The following CNTN6 variants were observed in gnomAD, a reference collection of about 807,000 sequenced individuals.
The protein encoded by CNTN6 is contactin 6.
In CNTN6, 137 loss-of-function variants were observed where a neutral mutation model predicts 122.8. The observed-to-expected ratio is 1.12, with a 90% CI of 0.97 to 1.29. CNTN6 has a LOEUF of 1.29. CNTN6 is among the 50% of genes most tolerant of loss of function. CNTN6 has a pLI of 0.00. For synonymous variants in CNTN6, 570 were observed against 426.0 expected (o/e 1.34, Z -4.16); for missense variants, 1,634 against 1,223.4 (o/e 1.34, Z -5.01).
intron 2 of CNTN6, among the ~76,000 whole-genome samples, chr3:1,212,505 A>G (rs1022511729): frequency 1.0e-4 from 15 of 146,174 alleles, no homozygotes; most frequent in Non-Finnish European, 1.7e-4. Flanking sequence ...ACATGTGTGT[A>G]TATATATACA....
intron 4 of CNTN6, among the ~76,000 whole-genome samples, chr3:1,252,187 T>C (rs978783449): frequency 6.6e-6 from 1 of 152,206 alleles, no homozygotes; most frequent in Admixed American, 6.5e-5. Flanking sequence ...CCTTTCCCTT[T>C]TAAAATCTGC....
At chr3:1,328,563 G>T (rs543756687) in intron 10 of CNTN6, among the ~76,000 whole-genome samples, 1 of 151,852 alleles carries the variant, frequency 6.6e-6, no homozygotes, top group African/African-American at 2.4e-5. Flanking sequence ...ATTTCAAGGA[G>T]AAAAAAGTGT....
At chr3:1,392,527 A>G (rs1370030939) in intron 20 of CNTN6, among the ~76,000 whole-genome samples, 1 of 150,660 alleles carries the variant, frequency 6.6e-6, no homozygotes, top group Non-Finnish European at 1.5e-5. Context: ...CACCAAAAGC[A>G]ATGGCAACAA....
intron 7 of CNTN6, among the ~76,000 whole-genome samples, chr3:1,316,556 T>C (rs530688427): frequency 2.0e-5 from 3 of 151,956 alleles, no homozygotes; most frequent in East Asian, 3.9e-4. Flanking sequence ...GATCCCCACC[T>C]TCAATACTGG....
rs1484852034 is a variant in CNTN6, at chr3:1,372,824, C to T, written c.1669-14C>T. On this transcript the variant is annotated splice_polypyrimidine_tract_variant and intron_variant, in intron 13 of 22. Transcript: ENST00000446702. The stretch of plus-strand genomic sequence containing the variant: ...GGCTTACGTTTTTATCCATTTCTCC[C>T]TTTCTGTCTGCAGGAATCTGTTGGG... The T allele has an allele frequency of 1.3e-6, 2 of 1,496,934 alleles. No homozygotes were observed. The highest frequency in any genetic ancestry group is 4.5e-5 in the East Asian group (2 of 43,984). The allele number at this position is 1,496,934 out of a possible 1,614,324, so 92.7% of individuals were successfully genotyped here. A position where few individuals can be genotyped will look rare whatever the true frequency, so the allele number is the denominator to read the frequency against.
At chr3:1,342,038 C>T (rs370627337) in intron 11 of CNTN6, among the ~76,000 whole-genome samples, 3 of 152,074 alleles carry the variant, frequency 2.0e-5, no homozygotes, top group Non-Finnish European at 2.9e-5. Flanking sequence ...ATATCCTTAG[C>T]TATTTAATAG....
chr3:1,224,407 G>A (rs116071024), intron 3 of CNTN6, among the ~76,000 whole-genome samples: 1,967 of 152,106 alleles, frequency 0.013, 37 homozygotes, highest in African/African-American at 0.043. Flanking sequence ...AAAGGAGCTG[G>A]AAGAGAAGAT....
At chr3:1,093,529 T>C (rs920734543) in intron 1 of CNTN6, among the ~76,000 whole-genome samples, 4 of 141,154 alleles carry the variant, frequency 2.8e-5, no homozygotes, top group Admixed American at 7.0e-5. Flanking sequence ...TTTTTTGTCT[T>C]TTTTTTTTTT....
At chr3:1,200,922 GTTCT>G (rs72151966) in intron 2 of CNTN6, among the ~76,000 whole-genome samples, 14,661 of 145,354 alleles carry the variant, frequency 0.1, 811 homozygotes, top group Non-Finnish European at 0.13. Context: ...TGTTTCTTTC[GTTCT>G]TTTTTTCTTT....
intron 4 of CNTN6, among the ~76,000 whole-genome samples, chr3:1,245,831 A>G (rs1342963239): frequency 6.6e-6 from 1 of 152,180 alleles, no homozygotes; most frequent in Non-Finnish European, 1.5e-5. Flanking sequence ...AGGAGTGTCC[A>G]ATCTTTTGGC....
intron 5 of CNTN6, among the ~76,000 whole-genome samples, chr3:1,293,318 T>C (rs1300682641): frequency 6.6e-6 from 1 of 151,976 alleles, no homozygotes; most frequent in Admixed American, 6.6e-5. Context: ...TCATGCTTCA[T>C]GCATTTTTTT....
At chr3:1,361,410 T>C (rs1271951054) in intron 12 of CNTN6, among the ~76,000 whole-genome samples, 1 of 152,148 alleles carries the variant, frequency 6.6e-6, no homozygotes, top group Non-Finnish European at 1.5e-5. Flanking sequence ...TTCCTTTTGT[T>C]CAGCATTCCT....
At chr3:1,104,697 T>C (rs963592297) in intron 1 of CNTN6, among the ~76,000 whole-genome samples, 2 of 152,112 alleles carry the variant, frequency 1.3e-5, no homozygotes, top group African/African-American at 4.8e-5. Context: ...CATAGATTGT[T>C]ATTCTATTAC....
In CNTN6 at chr3:1,297,923, G is replaced by A; in HGVS notation, c.693G>A (p.Val231=). The stretch of plus-strand genomic sequence containing the variant: ...GGGAATATGAACCAAAGATTGAAGT[G>A]CGTTTTCCTGAAACTATACAAGCTG... ...VMGEYEPKIE[V]RFPETIQAAK... is the part of the protein sequence containing the mutation. The change falls in exon 7 of 23, where the codon GTG becomes GTA. Residue 231 remains valine, a synonymous_variant. Transcript: ENST00000446702. The A allele has an allele frequency of 6.2e-7, 1 of 1,612,844 alleles. No individual in the cohort carries two copies. The highest frequency in any genetic ancestry group is 8.5e-7 in the Non-Finnish European group (1 of 1,179,590).
At chr3:1,368,564 T>C (rs1708553299) in intron 12 of CNTN6, among the ~76,000 whole-genome samples, 1 of 152,146 alleles carries the variant, frequency 6.6e-6, no homozygotes, top group South Asian at 2.1e-4. Flanking sequence ...ATCTTGCATT[T>C]GCCAGGAGTG....
At chr3:1,103,439 G>C (rs1010911920) in intron 1 of CNTN6, among the ~76,000 whole-genome samples, 1 of 152,132 alleles carries the variant, frequency 6.6e-6, no homozygotes, top group Non-Finnish European at 1.5e-5. Flanking sequence ...GTGCCTATGC[G>C]GTTTGTAGAA....
chr3:1,228,137 A>C, intron 4 of CNTN6, 144 bp downstream of exon 4: 2 of 704,534 alleles, frequency 2.8e-6, no homozygotes, highest in South Asian at 2.7e-5. Flanking sequence ...TCATTTTGTG[A>C]ATCTAGATTC....
At chr3:1,176,727 C>T (rs775289818) in intron 2 of CNTN6, among the ~76,000 whole-genome samples, 1 of 152,136 alleles carries the variant, frequency 6.6e-6, no homozygotes, top group Non-Finnish European at 1.5e-5. Context: ...ATTGAATTTA[C>T]TAAGTGGAAA....
chr3:1,101,316 G>A (rs1262833130), intron 1 of CNTN6, among the ~76,000 whole-genome samples: 6 of 152,128 alleles, frequency 3.9e-5, no homozygotes, highest in Non-Finnish European at 5.9e-5. Context: ...GCCAGTCTGA[G>A]TTTCTCTCCA....
Sources: gnomAD v4.1 joint callset for allele counts (sites outside exome capture counted in the v4.1 genomes callset) on GRCh38, gnomAD v4.1.1 for gene constraint, MANE v1.5 for transcripts, NCBI Gene and HGNC (gene_info 2026-07-23, HGNC 2026-07-21) for gene names.